The following CTNNA1 variants were observed in gnomAD, a reference collection of about 807,000 sequenced individuals.
CTNNA1 encodes catenin alpha-1.
In CTNNA1, 37 loss-of-function variants were observed where a neutral mutation model predicts 98.4. The observed-to-expected ratio is 0.38, with a 90% CI of 0.29 to 0.49. The LOEUF (loss-of-function observed/expected upper bound fraction) is 0.49, where lower values mean the gene tolerates loss of function less well. Ranked by LOEUF, CTNNA1 falls within the 20% of genes least tolerant of loss-of-function variation. The probability of loss-of-function intolerance (pLI) is 0.95; values close to 1 mark genes in which losing one functional copy is unlikely to be tolerated. For missense variants in CTNNA1, 761 were observed against 1,147.2 expected (o/e 0.66, Z 4.86); for synonymous variants, 404 against 413.2 (o/e 0.98, Z 0.27).
chr5:138,919,098 G>T (rs1363514168), intron 11 of CTNNA1, among the ~76,000 whole-genome samples: 1 of 152,188 alleles, frequency 6.6e-6, no homozygotes, highest in East Asian at 1.9e-4. Context: ...CTGCCAAATT[G>T]CAGGTGTTGG....
chr5:138,830,881 A>G (rs1160626499), intron 7 of CTNNA1, among the ~76,000 whole-genome samples: 3 of 152,200 alleles, frequency 2.0e-5, no homozygotes. Context: ...GGTTATTTCT[A>G]TCTGGGAAAT....
chr5:138,933,789 G>C lies in CTNNA1; in HGVS notation c.2434-13G>C. On this transcript the variant is annotated splice_polypyrimidine_tract_variant and intron_variant, in intron 17 of 17. Transcript: ENST00000302763. ...CAGGCCGGTGCTTCTTACCACCCCTGTCTGCCTCGTAGGTGGACAGCGCCA... is the reference window on the plus strand; with the variant it reads ...CAGGCCGGTGCTTCTTACCACCCCTCTCTGCCTCGTAGGTGGACAGCGCCA... The C allele has an allele frequency of 6.2e-7, 1 of 1,610,536 alleles. No individual in the cohort carries two copies. Among genetic ancestry groups the C allele is most frequent in the Non-Finnish European group, 8.5e-7 (1 of 1,178,556 alleles).
intron 1 of CTNNA1, among the ~76,000 whole-genome samples, chr5:138,776,226 AT>A (rs1474153970): frequency 2.6e-5 from 4 of 151,456 alleles, no homozygotes; most frequent in African/African-American, 9.7e-5. Context: ...GGTACTTGAG[AT>A]TAGGGAGTGG....
At chr5:138,854,866 C>G (rs1475164813) in intron 7 of CTNNA1, among the ~76,000 whole-genome samples, 5 of 152,174 alleles carry the variant, frequency 3.3e-5, no homozygotes, top group Non-Finnish European at 7.3e-5. Flanking sequence ...TGATTCTCCT[C>G]CCAGCATTGG....
intron 3 of CTNNA1, among the ~76,000 whole-genome samples, chr5:138,806,113 C>T (rs897800339): frequency 9.9e-5 from 15 of 152,160 alleles, no homozygotes; most frequent in African/African-American, 3.6e-4. Flanking sequence ...TGCACTTGTC[C>T]TAGCACCATT....
intron 1 of CTNNA1, among the ~76,000 whole-genome samples, chr5:138,778,635 C>T (rs771718695): frequency 2.6e-5 from 4 of 152,286 alleles, no homozygotes; most frequent in East Asian, 3.9e-4. Context: ...ACTTGGTTAG[C>T]ATTCTTTGAT....
Position 138,933,988 on chromosome 5 carries a change from A to T in CTNNA1, c.2620A>T (p.Lys874Ter). 2 of 1,614,158 alleles carry T rather than the reference A, an allele frequency of 1.2e-6. No individual in the cohort carries two copies. Among genetic ancestry groups the T allele is most frequent in the Non-Finnish European group, 1.7e-6 (2 of 1,180,016 alleles). The change falls in exon 18 of 18, where the codon AAA becomes TAA. Residue 874 changes from lysine to a stop codon, truncating the protein, a stop_gained. Coordinates refer to ENST00000302763, the MANE Select transcript of CTNNA1 (RefSeq NM_001903.5). LOFTEE classifies it high-confidence loss of function. ...GAAAAAGCCATTGGTGAAGAGAGAG[A>T]AACAGGATGAGACACAGACCAAGAT... ...PEKKPLVKRE[K>*]QDETQTKIKR...
intron 9 of CTNNA1, among the ~76,000 whole-genome samples, chr5:138,904,104 C>A (rs1343401217): frequency 6.6e-6 from 1 of 152,138 alleles, no homozygotes; most frequent in Non-Finnish European, 1.5e-5. Context: ...AGTTACAGGC[C>A]CTGGGATCTT....
intron 10 of CTNNA1, among the ~76,000 whole-genome samples, chr5:138,911,739 A>G (rs1445925524): frequency 1.9e-4 from 29 of 152,242 alleles, no homozygotes. Context: ...TTAAGCCACT[A>G]CATTTGTGGT....
chr5:138,920,922 G>C (rs538120642), intron 11 of CTNNA1, among the ~76,000 whole-genome samples: 1 of 152,280 alleles, frequency 6.6e-6, no homozygotes, highest in African/African-American at 2.4e-5. Flanking sequence ...CAGCCACCAA[G>C]ACCCCGATGC....
At chr5:138,930,049 T>C (rs886639848) in intron 14 of CTNNA1, among the ~76,000 whole-genome samples, 1 of 152,194 alleles carries the variant, frequency 6.6e-6, no homozygotes, top group Non-Finnish European at 1.5e-5. Context: ...CAGCCCTCTT[T>C]CTTCAGGTGT....
intron 7 of CTNNA1, among the ~76,000 whole-genome samples, chr5:138,852,369 G>T: frequency 6.8e-6 from 1 of 147,174 alleles, no homozygotes; most frequent in Non-Finnish European, 1.5e-5. Context: ...CTCTTTCTCG[G>T]GCAGTGTTCT....
At chr5:138,843,050 T>A (rs1762401853) in intron 7 of CTNNA1, among the ~76,000 whole-genome samples, 1 of 152,238 alleles carries the variant, frequency 6.6e-6, no homozygotes, top group Non-Finnish European at 1.5e-5. Flanking sequence ...GGATTTAAGG[T>A]ATTGATCAAG....
rs1009296400 is a variant in CTNNA1 at position 138,805,787 on chromosome 5, A to G, written c.302-4251A>G. On this transcript the variant is annotated intron_variant, in intron 3 of 17. Transcript: ENST00000302763. ...ATTATTTAGTATAAGAGTTCTTTAT[A>G]TATTCTGGATACTAGATCCTTATAA... Among the ~76,000 whole-genome samples, 4 of 151,164 alleles carry G rather than the reference A, an allele frequency of 2.6e-5. No individual in the cohort carries two copies. The Admixed American group carries it at 2.7e-4, about 10-fold the overall frequency.
At position 138,846,029 on chromosome 5, in the gene CTNNA1, C is replaced by T. The variant is rs577027899; in HGVS notation, c.1062+18311C>T. On this transcript the variant is annotated intron_variant, in intron 7 of 17. Transcript: ENST00000302763. ...GCAACCTCCGCCCCCTAGGTTCAAG[C>T]GATTCTCCTGCCTCAGCCTCCCAAG... Among the ~76,000 whole-genome samples, 18 of 152,178 alleles carry T rather than the reference C, an allele frequency of 1.2e-4. No homozygotes were observed. In the South Asian group the frequency reaches 2.1e-3, roughly 18 times the overall value.
intron 5 of CTNNA1, among the ~76,000 whole-genome samples, chr5:138,817,228 T>C (rs1253311592): frequency 6.6e-6 from 1 of 152,228 alleles, no homozygotes; most frequent in African/African-American, 2.4e-5. Flanking sequence ...CATTTTTTCC[T>C]GGCCTGTAGC....
chr5:138,911,991 A>G (rs939025921), intron 10 of CTNNA1, among the ~76,000 whole-genome samples: 11 of 152,230 alleles, frequency 7.2e-5, no homozygotes, highest in Admixed American at 7.2e-4. Context: ...GTTTGGGGAA[A>G]GAGATAAGTT....
chr5:138,932,283 T>G lies in CTNNA1; in HGVS notation c.2299-295T>G, dbSNP rs552536011. ...TGAGGGGATCCTTGGCCAGGGTGGTTTCCCCGCCGTCATAGGAGGGAAGTC... is the reference window on the plus strand; with the variant it reads ...TGAGGGGATCCTTGGCCAGGGTGGTGTCCCCGCCGTCATAGGAGGGAAGTC... On this transcript the variant is annotated intron_variant, in intron 16 of 17. Coordinates refer to ENST00000302763, the MANE Select transcript of CTNNA1 (RefSeq NM_001903.5). The G allele has an allele frequency of 2.6e-5, 30 of 1,167,790 alleles. No homozygotes were observed. The South Asian group carries it at 8.4e-4, about 33-fold the overall frequency. The allele number at this position is 1,167,790 out of a possible 1,614,324, so 72.3% of individuals were successfully genotyped here.
At chr5:138,875,417 C>T (rs748072273) in intron 7 of CTNNA1, 1 of 985,792 alleles carries the variant, frequency 1.0e-6, no homozygotes, top group Non-Finnish European at 1.2e-6. Flanking sequence ...TTGGGTTTTC[C>T]AGAAGCTTTA....
Sources: allele counts gnomAD v4.1 joint callset (sites outside exome capture counted in the v4.1 genomes callset), GRCh38; gene constraint gnomAD v4.1.1; transcripts MANE v1.5; gene names NCBI Gene and HGNC (gene_info 2026-07-23, HGNC 2026-07-21).